The following C12orf42 variants were observed in gnomAD, a reference collection of about 807,000 sequenced individuals.
The protein encoded by C12orf42 is uncharacterized protein C12orf42.
In C12orf42, 25 loss-of-function variants were observed where a neutral mutation model predicts 21.6. The ratio of observed to expected loss-of-function variants is 1.16; its 90% CI spans 0.84 to 1.62. The LOEUF (loss-of-function observed/expected upper bound fraction) is 1.62. Ranked by LOEUF, C12orf42 falls within the 40% of genes most tolerant of loss-of-function variation. The probability of loss-of-function intolerance (pLI) is 0.00; values close to 1 mark genes in which losing one functional copy is unlikely to be tolerated. For missense variants in C12orf42, 483 were observed against 459.3 expected, an observed-to-expected ratio of 1.05 and a Z score of -0.47; for synonymous variants, 174 against 175.0, an observed-to-expected ratio of 0.99 and a Z score of 0.05.
At chr12:103,249,351 T>C (rs1348446184) in intron 10 of C12orf42, among the ~76,000 whole-genome samples, 1 of 151,984 alleles carries the variant, frequency 6.6e-6, no homozygotes, top group Non-Finnish European at 1.5e-5. Context: ...TTTATACATA[T>C]GAATAACAGA....
At chr12:103,228,306 G>A in the C12orf42 span, among the ~76,000 whole-genome samples, 112 of 152,080 alleles carry the variant, frequency 7.4e-4, 1 homozygote, top group African/African-American at 2.6e-3. Context: ...AGGAGTGGGG[G>A]TCGCAAGGTG....
intron 10 of C12orf42, among the ~76,000 whole-genome samples, chr12:103,247,729 T>C (rs944704027): frequency 2.0e-5 from 3 of 152,020 alleles, no homozygotes; most frequent in African/African-American, 7.2e-5. Context: ...GCTTCCTGAC[T>C]CCTCTGTACA....
the C12orf42 span, among the ~76,000 whole-genome samples, chr12:103,144,435 C>G: frequency 6.6e-6 from 1 of 152,110 alleles, no homozygotes; most frequent in African/African-American, 2.4e-5. Flanking sequence ...TGGTGTTTTC[C>G]ATCCATAAGC....
the C12orf42 span, chr12:103,168,249 T>C: frequency 6.1e-6 from 2 of 327,194 alleles, no homozygotes; most frequent in Non-Finnish European, 1.2e-5. Context: ...ATTTATTCAG[T>C]GTATAATATT....
At chr12:103,103,410 A>G in the C12orf42 span, among the ~76,000 whole-genome samples, 1 of 152,186 alleles carries the variant, frequency 6.6e-6, no homozygotes, top group East Asian at 1.9e-4. Flanking sequence ...CCTTGAAAAT[A>G]TTTCTCACAT....
the C12orf42 span, among the ~76,000 whole-genome samples, chr12:103,071,914 G>GA: frequency 1.3e-5 from 2 of 152,168 alleles, no homozygotes; most frequent in East Asian, 1.9e-4. Flanking sequence ...GAAACCTGAT[G>GA]AAAAAATGTG....
At chr12:103,286,740 A>G (rs925039162) in intron 4 of C12orf42, among the ~76,000 whole-genome samples, 5 of 152,180 alleles carry the variant, frequency 3.3e-5, no homozygotes, top group African/African-American at 1.2e-4. Context: ...AATGGATCAT[A>G]GAATATGGAA....
At chr12:103,349,423 A>C (rs976421003) in intron 4 of C12orf42, 1 of 152,200 alleles carries the variant, frequency 6.6e-6, no homozygotes, top group Non-Finnish European at 1.5e-5. Context: ...AAACATAGAA[A>C]GAGTAACTGA....
the C12orf42 span, among the ~76,000 whole-genome samples, chr12:103,524,120 G>C: frequency 6.6e-6 from 1 of 152,112 alleles, no homozygotes; most frequent in African/African-American, 2.4e-5. Context: ...ACCTTCTTTA[G>C]CTTCTTTTCA....
chr12:103,381,690 G>A (rs1006829860), intron 3 of C12orf42, among the ~76,000 whole-genome samples: 2 of 152,188 alleles, frequency 1.3e-5, no homozygotes, highest in African/African-American at 4.8e-5. Flanking sequence ...GGCCGAGGCA[G>A]GCGGATCATG....
intron 10 of C12orf42, among the ~76,000 whole-genome samples, chr12:103,256,105 TATATATACAC>T (rs1373474610): frequency 4.5e-4 from 17 of 37,844 alleles, no homozygotes; most frequent in African/African-American, 1.2e-3. Context: ...TATATATATA[TATATATACAC>T]ACACACACAC....
chr12:103,432,756 A>G (rs1950358230), intron 2 of C12orf42, among the ~76,000 whole-genome samples: 1 of 152,162 alleles, frequency 6.6e-6, no homozygotes, highest in African/African-American at 2.4e-5. Context: ...TCCTCGTATG[A>G]AGAAGTTAGG....
the C12orf42 span, among the ~76,000 whole-genome samples, chr12:103,113,947 T>C: frequency 6.6e-6 from 1 of 152,242 alleles, no homozygotes; most frequent in Non-Finnish European, 1.5e-5. Flanking sequence ...TGTACATGAA[T>C]GCTACTATAC....
chr12:103,147,503 C>CTTTTTTTTTTTTTTTT, the C12orf42 span, among the ~76,000 whole-genome samples: 37 of 99,944 alleles, frequency 3.7e-4, no homozygotes, highest in East Asian at 8.2e-4. Flanking sequence ...CTTTTTTTTT[C>CTTTTTTTTTTTTTTTT]TTTTTTTTTT....
intron 2 of C12orf42, among the ~76,000 whole-genome samples, chr12:103,428,181 C>G (rs531364269): frequency 3.0e-4 from 46 of 152,078 alleles, no homozygotes; most frequent in Admixed American, 9.8e-4. Context: ...AATCCAGGAG[C>G]TGGTTTTTTG....
At position 103,291,112 on chromosome 12, in the gene C12orf42, C is replaced by T. The variant is rs187440699; in HGVS notation, n.338-13902G>A. On this transcript the variant is annotated intron_variant and non_coding_transcript_variant, in intron 4 of 6. Coordinates refer to the C12orf42 transcript ENST00000546526. The stretch of plus-strand genomic sequence containing the variant: ...TGGTTGGGTATATTTAAACAGCAAA[C>T]TTTTGTGCAATTTCTTAGATATCCT... Among the ~76,000 whole-genome samples, 25 of 152,240 alleles carry T rather than the reference C, an allele frequency of 1.6e-4. No homozygotes were observed. In the East Asian group the frequency reaches 4.6e-3, roughly 28 times the overall value.
chr12:103,507,050 AAT>A, the C12orf42 span, among the ~76,000 whole-genome samples: 10 of 8,162 alleles, frequency 1.2e-3, 1 homozygote, highest in African/African-American at 7.7e-3. Context: ...ATTTATATAA[AAT>A]ATATATATTT....
At chr12:103,426,861 C>A (rs960979521) in intron 2 of C12orf42, among the ~76,000 whole-genome samples, 1 of 152,126 alleles carries the variant, frequency 6.6e-6, no homozygotes, top group African/African-American at 2.4e-5. Flanking sequence ...CCAAACTAAG[C>A]TTCATAAGTG....
At chr12:103,269,444 G>T (rs1466553093) in intron 6 of C12orf42, among the ~76,000 whole-genome samples, 1 of 152,066 alleles carries the variant, frequency 6.6e-6, no homozygotes, top group African/African-American at 2.4e-5. Context: ...AGAATAAAAA[G>T]AATAACAACA....
Sources: gnomAD v4.1 joint callset for allele counts (sites outside exome capture counted in the v4.1 genomes callset) on GRCh38, gnomAD v4.1.1 for gene constraint, MANE v1.5 for transcripts, NCBI Gene and HGNC (gene_info 2026-07-23, HGNC 2026-07-21) for gene names.